Variants in MAOB observed in about 807,000 individuals in gnomAD.
MAOB encodes amine oxidase [flavin-containing] B.
In MAOB, 15 loss-of-function variants were observed where a neutral mutation model predicts 41.9. The observed-to-expected ratio is 0.36, with a 90% CI of 0.24 to 0.55. The LOEUF is 0.55. Ranked by LOEUF, MAOB falls within the 20% of genes least tolerant of loss-of-function variation. MAOB has a pLI of 0.86. For synonymous variants in MAOB, 167 were observed against 144.2 expected, an observed-to-expected ratio of 1.16 and a Z score of -1.13; for missense variants, 345 against 398.7, an observed-to-expected ratio of 0.87 and a Z score of 1.15.
chrX:43,820,600 G>GT (rs1437644536), intron 3 of MAOB, among the ~76,000 whole-genome samples: 1 of 111,910 alleles, frequency 8.9e-6, no homozygotes, highest in Non-Finnish European at 1.9e-5. Context: ...CAAAAAGTCC[G>GT]TTTTTGCGTA....
chrX:43,840,464 T>A lies in MAOB; in HGVS notation c.142-1459A>T, dbSNP rs1427161767. Among the ~76,000 whole-genome samples, 12 of 111,741 alleles carry A rather than the reference T, an allele frequency of 1.1e-4. No individual in the cohort carries two copies. In the Admixed American group the frequency reaches 1.1e-3, roughly 11 times the overall value. ...AGGACAAATTCAATTATAAAGGAGA[T>A]GACTCAAAGTAAAGAATGAGTACAG... On this transcript the variant is annotated intron_variant, in intron 2 of 14. Coordinates refer to ENST00000378069, the MANE Select transcript of MAOB (RefSeq NM_000898.5).
intron 3 of MAOB, among the ~76,000 whole-genome samples, chrX:43,818,879 C>T (rs1156811393): frequency 1.8e-5 from 2 of 112,169 alleles, no homozygotes; most frequent in Admixed American, 9.4e-5. Flanking sequence ...AGATTTACGG[C>T]ATCATAATTA....
At chrX:43,775,331 A>G in intron 11 of MAOB, 59 bp from the exon 12 acceptor site, 1 of 1,167,784 alleles carries the variant, frequency 8.6e-7, no homozygotes, top group South Asian at 2.0e-5. Context: ...TTAGCCTAGA[A>G]TAAATCGAAC....
At chrX:43,877,516 T>C (rs965594198) in intron 1 of MAOB, among the ~76,000 whole-genome samples, 6 of 112,068 alleles carry the variant, frequency 5.4e-5, no homozygotes, top group Admixed American at 1.9e-4. Flanking sequence ...CCTAACACCT[T>C]GTACAGCATG....
At chrX:43,796,707 G>A (rs912456382) in intron 6 of MAOB, among the ~76,000 whole-genome samples, 7 of 111,491 alleles carry the variant, frequency 6.3e-5, no homozygotes, top group African/African-American at 2.3e-4. Flanking sequence ...ATACAGTGCC[G>A]GGGCTCAAGA....
At chrX:43,844,417 C>T (rs977824648) in intron 1 of MAOB, 1 of 112,098 alleles carries the variant, frequency 8.9e-6, no homozygotes. Flanking sequence ...AAAAAACCCA[C>T]AGCTTTACTG....
intron 1 of MAOB, among the ~76,000 whole-genome samples, chrX:43,846,705 C>T (rs1355247180): frequency 9.0e-6 from 1 of 111,693 alleles, no homozygotes; most frequent in African/African-American, 3.3e-5. Context: ...AAAAACCTCC[C>T]TCAATGATGA....
At chrX:43,879,558 C>G (rs1438229097) in intron 1 of MAOB, among the ~76,000 whole-genome samples, 1 of 111,819 alleles carries the variant, frequency 8.9e-6, no homozygotes, top group Non-Finnish European at 1.9e-5. Flanking sequence ...TGCTAGATTT[C>G]TCTCCCTGGG....
chrX:43,857,161 AGAGAAGAAG>A (rs2035302713), intron 1 of MAOB, among the ~76,000 whole-genome samples: 1 of 55,601 alleles, frequency 1.8e-5, no homozygotes, highest in Non-Finnish European at 3.1e-5. Flanking sequence ...AGAGAGAGAG[AGAGAAGAAG>A]AGAGAGAGAG....
At chrX:43,875,631 A>G (rs1478907109) in intron 1 of MAOB, among the ~76,000 whole-genome samples, 2 of 112,020 alleles carry the variant, frequency 1.8e-5, no homozygotes, top group Non-Finnish European at 3.8e-5. Flanking sequence ...TTCTTCAGAC[A>G]CATATTACAC....
intron 3 of MAOB, among the ~76,000 whole-genome samples, chrX:43,823,788 G>A (rs111234775): frequency 0.014 from 1,533 of 111,659 alleles, 42 homozygotes; most frequent in African/African-American, 0.046. Context: ...TCAGGAAGTC[G>A]GTCACTGTGC....
At chrX:43,857,518 A>G (rs1464178567) in intron 1 of MAOB, among the ~76,000 whole-genome samples, 1 of 110,913 alleles carries the variant, frequency 9.0e-6, no homozygotes, top group Non-Finnish European at 1.9e-5. Context: ...ACATAAAATT[A>G]AATCTTGCAG....
At chrX:43,801,665 A>T (rs933124642) in intron 5 of MAOB, among the ~76,000 whole-genome samples, 3 of 112,075 alleles carry the variant, frequency 2.7e-5, no homozygotes, top group African/African-American at 9.7e-5. Flanking sequence ...TTGTTTTTTC[A>T]CTAAAGGGGA....
At chrX:43,870,580 G>T (rs1470876504) in intron 1 of MAOB, among the ~76,000 whole-genome samples, 1 of 110,121 alleles carries the variant, frequency 9.1e-6, no homozygotes, top group Non-Finnish European at 1.9e-5. Flanking sequence ...CGGATCATGA[G>T]GTCAGGAGAT....
chrX:43,787,778 A>G (rs890016417), intron 8 of MAOB, among the ~76,000 whole-genome samples: 10 of 112,179 alleles, frequency 8.9e-5, no homozygotes, highest in African/African-American at 3.2e-4. Context: ...ACCATCATAC[A>G]ACAAATCGTT....
At chrX:43,871,192 C>G (rs1317678321) in intron 1 of MAOB, among the ~76,000 whole-genome samples, 4 of 111,311 alleles carry the variant, frequency 3.6e-5, no homozygotes, top group Non-Finnish European at 7.5e-5. Context: ...TTAGTCAGCT[C>G]CCTTCAGTCA....
intron 8 of MAOB, among the ~76,000 whole-genome samples, chrX:43,790,113 T>C (rs2034445784): frequency 8.9e-6 from 1 of 112,053 alleles, no homozygotes; most frequent in African/African-American, 3.2e-5. Context: ...CTAATCACTG[T>C]GCTGGATTGT....
intron 6 of MAOB, 123 bp downstream of exon 6, chrX:43,797,002 A>G: frequency 1.4e-6 from 1 of 691,521 alleles, no homozygotes; most frequent in Non-Finnish European, 2.1e-6. Flanking sequence ...TTGAGCTGCC[A>G]TGGTAATGCT....
intron 6 of MAOB, among the ~76,000 whole-genome samples, chrX:43,796,362 C>A (rs768025371): frequency 9.0e-6 from 1 of 111,417 alleles, no homozygotes; most frequent in Non-Finnish European, 1.9e-5. Context: ...TTGCAGGCTG[C>A]CCATCTTATC....
Sources: allele counts gnomAD v4.1 joint callset (sites outside exome capture counted in the v4.1 genomes callset), GRCh38; gene constraint gnomAD v4.1.1; transcripts MANE v1.5; gene names NCBI Gene and HGNC (gene_info 2026-07-23, HGNC 2026-07-21).